Variants in IMMT observed in about 807,000 individuals in gnomAD.
The protein encoded by IMMT is MICOS complex subunit MIC60.
In IMMT, 40 loss-of-function variants were observed where a neutral mutation model predicts 92.7. The observed-to-expected ratio is 0.43, with a 90% CI of 0.34 to 0.56. IMMT has a LOEUF of 0.56. Ranked by LOEUF, IMMT falls within the 20% of genes least tolerant of loss-of-function variation. The pLI, the probability that IMMT is intolerant of heterozygous loss-of-function variation, is 0.03. For missense variants in IMMT, 831 were observed against 912.1 expected, an observed-to-expected ratio of 0.91 and a Z score of 1.14; for synonymous variants, 322 against 336.1, an observed-to-expected ratio of 0.96 and a Z score of 0.46.
At chr2:86,167,483 TG>T (rs752478629) in intron 6 of IMMT, among the ~76,000 whole-genome samples, 1,747 of 46,154 alleles carry the variant, frequency 0.038, 21 homozygotes, top group East Asian at 0.19. Context: ...TTTTGTTTTT[TG>T]TTTTTTTTTT....
chr2:86,164,051 C>CTTT (rs1333229562), intron 7 of IMMT, among the ~76,000 whole-genome samples: 1 of 83,050 alleles, frequency 1.2e-5, no homozygotes, highest in African/African-American at 3.8e-5. Context: ...CCACTTTAGT[C>CTTT]ATTTTTTTTT....
chr2:86,156,073 G>C (rs1474239254), intron 10 of IMMT, among the ~76,000 whole-genome samples: 1 of 152,104 alleles, frequency 6.6e-6, no homozygotes, highest in East Asian at 1.9e-4. Context: ...TTTAGCACAG[G>C]CTTCTCAACC....
chr2:86,189,584 C>T (rs1573952165), intron 1 of IMMT, among the ~76,000 whole-genome samples: 1 of 152,096 alleles, frequency 6.6e-6, no homozygotes, highest in South Asian at 2.1e-4. Context: ...GGACATGGAG[C>T]CTGTAGTATG....
At chr2:86,153,868 G>GT (rs60223703) in intron 10 of IMMT, among the ~76,000 whole-genome samples, 4,299 of 151,768 alleles carry the variant, frequency 0.028, 104 homozygotes, top group East Asian at 0.096. Flanking sequence ...TAAATTTTTT[G>GT]TTTTTTTGTT....
intron 1 of IMMT, among the ~76,000 whole-genome samples, chr2:86,189,688 T>C (rs540115232): frequency 1.3e-5 from 2 of 152,304 alleles, no homozygotes; most frequent in East Asian, 3.9e-4. Flanking sequence ...GATCTTGTCA[T>C]ACATAAGGAC....
intron 2 of IMMT, 34 bp downstream of exon 2, chr2:86,181,265 G>A: frequency 6.5e-7 from 1 of 1,534,066 alleles, no homozygotes; most frequent in Non-Finnish European, 9.0e-7. Context: ...AGCACACAGT[G>A]AAAAGCCTGG....
At position 86,162,339 on chromosome 2, in the gene IMMT, T is replaced by C. The variant is rs1327682294; in HGVS notation, c.793-260A>G. Among the ~76,000 whole-genome samples, 7 of 114,934 alleles carry C rather than the reference T, an allele frequency of 6.1e-5. No homozygotes were observed. The East Asian group carries it at 1.5e-3, about 24-fold the overall frequency. The allele number at this position is 114,934 out of a possible 152,430, so 75.4% of individuals were successfully genotyped here. Reference sequence around the variant, plus strand: ...CCATATAAGCATTTTCTAAGGAGAGTTGTTTTTTTTTTTTTTTAAGATTCT... The same window carrying C: ...CCATATAAGCATTTTCTAAGGAGAGCTGTTTTTTTTTTTTTTTAAGATTCT... On this transcript the variant is annotated intron_variant, in intron 7 of 14. Transcript: ENST00000410111.
chr2:86,153,304 TACACACACACACACACAC>T (rs10572745), intron 11 of IMMT, among the ~76,000 whole-genome samples: 4 of 143,838 alleles, frequency 2.8e-5, no homozygotes, highest in Admixed American at 2.1e-4. Context: ...CAATCCATAT[TACACACACACACACACAC>T]ACACACACAC....
intron 3 of IMMT, among the ~76,000 whole-genome samples, chr2:86,177,440 T>TA (rs1677504706): frequency 6.6e-6 from 1 of 151,796 alleles, no homozygotes; most frequent in African/African-American, 2.4e-5. Context: ...CCATCTCTAC[T>TA]AAAAAATGCA....
intron 4 of IMMT, chr2:86,173,363 C>T: frequency 3.1e-6 from 1 of 326,822 alleles, no homozygotes; most frequent in South Asian, 2.7e-5. Context: ...GGCAGATCAC[C>T]TGAGAGCGGG....
chr2:86,175,690 C>A (rs10496318), intron 3 of IMMT, among the ~76,000 whole-genome samples: 1 of 148,206 alleles, frequency 6.7e-6, no homozygotes, highest in African/African-American at 2.5e-5. Context: ...CAAGTTGACA[C>A]GATGTTTAAC....
chr2:86,172,599 C>T (rs939207169), intron 4 of IMMT, among the ~76,000 whole-genome samples: 1 of 152,110 alleles, frequency 6.6e-6, no homozygotes, highest in Non-Finnish European at 1.5e-5. Flanking sequence ...TCCCAAAGTG[C>T]GGGATTACAG....
At chr2:86,164,241 G>A (rs71337798) in intron 7 of IMMT, among the ~76,000 whole-genome samples, 1 of 151,212 alleles carries the variant, frequency 6.6e-6, no homozygotes, top group South Asian at 2.1e-4. Context: ...ATTTTTAGTA[G>A]AAACGGGGTT....
intron 3 of IMMT, among the ~76,000 whole-genome samples, chr2:86,174,862 A>G (rs1467315311): frequency 6.6e-6 from 1 of 152,190 alleles, no homozygotes; most frequent in Non-Finnish European, 1.5e-5. Context: ...TAGTCATTCA[A>G]ATTGTTTCCT....
chr2:86,150,979 C>T (rs1045520779), intron 12 of IMMT, among the ~76,000 whole-genome samples: 5 of 151,380 alleles, frequency 3.3e-5, no homozygotes, highest in South Asian at 2.1e-4. Context: ...TGCAGTGGCA[C>T]GATCTTAGCT....
intron 4 of IMMT, 130 bp downstream of exon 4, chr2:86,173,520 C>T (rs1416622488): frequency 1.5e-5 from 9 of 611,626 alleles, no homozygotes; most frequent in African/African-American, 3.8e-5. Flanking sequence ...GTGGAGGCTG[C>T]GGTGAGCCGA....
At chr2:86,182,456 T>C (rs937260385) in intron 1 of IMMT, among the ~76,000 whole-genome samples, 1 of 152,222 alleles carries the variant, frequency 6.6e-6, no homozygotes, top group Non-Finnish European at 1.5e-5. Flanking sequence ...AACAGCTAAC[T>C]AATGCAGTCA....
In IMMT at chr2:86,144,888, A is replaced by C. The variant is rs966789020; in HGVS notation, c.1664-7T>G. 1.3e-6 allele frequency: 2 copies of C among 1,577,586 alleles called. No individual in the cohort carries two copies. The highest frequency in any genetic ancestry group is 2.7e-5 in the African/African-American group (2 of 73,318). The stretch of plus-strand genomic sequence containing the variant: ...TCTTCAGCAACTGCATGGCCTACAA[A>C]GAAAAAAAGGCAAAGCCAAACATTT... On this transcript the variant is annotated splice_polypyrimidine_tract_variant and splice_region_variant and intron_variant, in intron 14 of 14. Coordinates refer to ENST00000410111, the MANE Select transcript of IMMT (RefSeq NM_006839.3).
At position 86,187,600 on chromosome 2, in the gene IMMT, G is replaced by GT. The variant is rs149343069; in HGVS notation, c.46-6229dup. Among the ~76,000 whole-genome samples the GT allele has an allele frequency of 5.5e-3, 842 of 152,134 alleles. 5 individuals carry two copies. Among genetic ancestry groups the GT allele is most frequent in the Non-Finnish European group, 6.7e-3 (457 of 67,990 alleles). The stretch of plus-strand genomic sequence containing the variant: ...TGGCAGGGAACTTCAAGGTCATATG[G>GT]TAATTCTATGTTTAAATTACTGAGA... On this transcript the variant is annotated intron_variant, in intron 1 of 14. Coordinates refer to ENST00000410111, the MANE Select transcript of IMMT (RefSeq NM_006839.3).
Sources: allele counts gnomAD v4.1 joint callset (sites outside exome capture counted in the v4.1 genomes callset), GRCh38; gene constraint gnomAD v4.1.1; transcripts MANE v1.5; gene names NCBI Gene and HGNC (gene_info 2026-07-23, HGNC 2026-07-21).